TPD52L3: variants seen among roughly 807,000 people sequenced by gnomAD.
TPD52L3 encodes TPD52 like 3.
Under a neutral mutation model 8.7 loss-of-function variants are expected in TPD52L3, and 12 were observed. The ratio of observed to expected loss-of-function variants is 1.38; its 90% CI spans 0.89 to 2.24. The LOEUF is 2.24. TPD52L3 is among the 30% of genes most tolerant of loss of function. The probability of loss-of-function intolerance (pLI) is 0.00; values close to 1 mark genes in which losing one functional copy is unlikely to be tolerated. For synonymous variants in TPD52L3, 79 were observed against 66.8 expected (o/e 1.18, Z -0.89); for missense variants, 207 against 158.7 (o/e 1.30, Z -1.64).
In TPD52L3 at chr9:6,330,745, G is replaced by C. The variant is rs560921404; in HGVS notation, c.368-231G>C. ...CTGGAGAACAAGAGGTGAGCCTGCA[G>C]CATACAAGAAATGAAAGTAGTCCAA... On this transcript the variant is annotated intron_variant, in intron 1 of 1. Coordinates refer to ENST00000314556, the MANE Select transcript of TPD52L3 (RefSeq NM_001001874.3). 1.1e-5 allele frequency: 14 copies of C among 1,301,124 alleles called. No individual in the cohort carries two copies. The East Asian group carries it at 1.8e-4, about 17-fold the overall frequency. 80.6% of individuals were successfully genotyped at this position (1,301,124 alleles called of 1,614,324 possible). A position where few individuals can be genotyped will look rare whatever the true frequency, so the allele number is the denominator to read the frequency against.
rs768493638 is a variant in TPD52L3 at position 6,328,462 on chromosome 9, G to A, written c.-134G>A. On this transcript the variant is annotated 5_prime_UTR_variant, in exon 1 of 2. Transcript: ENST00000314556. ...TCCCGCCTGAAATCTGACTCCACCT[G>A]CCAAGAGTCTGAGCCTGCAGGCCTA... 6.4e-5 allele frequency: 71 copies of A among 1,102,784 alleles called. No homozygotes were observed. Among genetic ancestry groups the A allele is most frequent in the Non-Finnish European group, 8.9e-5 (69 of 771,442 alleles). 68.3% of individuals were successfully genotyped at this position (1,102,784 alleles called of 1,614,324 possible).
chr9:6,330,488 G>C (rs540568142), intron 1 of TPD52L3: 24 of 1,272,666 alleles, frequency 1.9e-5, no homozygotes, highest in African/African-American at 9.3e-5. Context: ...GGATGATTCT[G>C]TTTTGTTGAC....
Position 6,329,302 on chromosome 9 carries a change from C to A in TPD52L3, c.367+340C>A, listed in dbSNP as rs888387479. 3.3e-6 allele frequency: 4 copies of A among 1,214,642 alleles called. No individual in the cohort carries two copies. The African/African-American group carries it at 4.6e-5, about 14-fold the overall frequency. 75.2% of individuals were successfully genotyped at this position (1,214,642 alleles called of 1,614,324 possible). A position where few individuals can be genotyped will look rare whatever the true frequency, so the allele number is the denominator to read the frequency against. On this transcript the variant is annotated intron_variant, in intron 1 of 1. Coordinates refer to ENST00000314556, the MANE Select transcript of TPD52L3 (RefSeq NM_001001874.3). The stretch of plus-strand genomic sequence containing the variant: ...GGTTAATTCAGGAAATTGACAGAAT[C>A]CAGTTTTGAGAAAAGAACACAGATA...
In TPD52L3 at chr9:6,328,739, C is replaced by A. The variant is rs75202744; in HGVS notation, c.144C>A (p.His48Gln). 6.2e-7 allele frequency: 1 copy of A among 1,614,182 alleles called. No homozygotes were observed. Among genetic ancestry groups the A allele is most frequent in the Admixed American group, 1.7e-5 (1 of 60,028 alleles). ...KLEAEIVTLR[H>Q]VLAAKERRCG... is the part of the protein sequence containing the mutation. The stretch of plus-strand genomic sequence containing the variant: ...AGGCTGAAATTGTAACCCTACGCCA[C>A]GTACTAGCAGCCAAAGAGAGACGCT... Residue 48 changes from histidine to glutamine, a missense_variant, in exon 1 of 2, where the codon CAC becomes CAA. Coordinates refer to ENST00000314556, the MANE Select transcript of TPD52L3 (RefSeq NM_001001874.3).
Position 6,328,835 on chromosome 9 carries a change from G to A in TPD52L3, c.240G>A (p.Trp80Ter). 1 of 1,614,182 alleles carries A rather than the reference G, an allele frequency of 6.2e-7. No homozygotes were observed. Among genetic ancestry groups the A allele is most frequent in the African/African-American group, 1.3e-5 (1 of 75,040 alleles). Residue 80 changes from tryptophan to a stop codon, truncating the protein, a stop_gained, in exon 1 of 2, where the codon TGG (tryptophan) becomes TGA (stop). Transcript: ENST00000314556. LOFTEE classifies it high-confidence loss of function. ...TGAGACAGAATCTGTCCAAGAGCTG[G>A]CTTGATGTTCAGGTCTCCAACACCT... is the stretch of plus-strand genomic sequence containing the variant. ...VGLRQNLSKS[W>*]LDVQVSNTYV...
At chr9:6,329,968 A>T in intron 1 of TPD52L3, 2 of 1,322,840 alleles carry the variant, frequency 1.5e-6, no homozygotes, top group Non-Finnish European at 1.9e-6. Context: ...TAAAAGGAAG[A>T]AATTGCCTCT....
chr9:6,329,083 C>T, intron 1 of TPD52L3, 121 bp downstream of exon 1: 1 of 1,557,808 alleles, frequency 6.4e-7, no homozygotes, highest in Non-Finnish European at 8.7e-7. Context: ...GGAAGACCCA[C>T]TCCAGATTCC....
chr9:6,328,439 C>G lies in TPD52L3; in HGVS notation c.-157C>G. ...GTACCAGCTGGGCCATGGATCCCTC[C>G]CGCCTGAAATCTGACTCCACCTGCC... is the stretch of plus-strand genomic sequence containing the variant. On this transcript the variant is annotated 5_prime_UTR_variant, in exon 1 of 2. Transcript: ENST00000314556. The G allele has an allele frequency of 1.1e-6, 1 of 870,426 alleles. No individual in the cohort carries two copies. Among genetic ancestry groups the G allele is most frequent in the Non-Finnish European group, 1.8e-6 (1 of 566,440 alleles). The allele number at this position is 870,426 out of a possible 1,614,324, so 53.9% of individuals were successfully genotyped here. A position where few individuals can be genotyped will look rare whatever the true frequency, so the allele number is the denominator to read the frequency against.
Position 6,331,144 on chromosome 9 carries a change from C to A in TPD52L3, c.*125C>A. ...TATTCAAAGCCAATCTGAGACCCTA[C>A]TCTGTATCAAGAACTGTCCCAGGTT... On this transcript the variant is annotated 3_prime_UTR_variant, in exon 2 of 2. Coordinates refer to ENST00000314556, the MANE Select transcript of TPD52L3 (RefSeq NM_001001874.3). The A allele has an allele frequency of 1.0e-6, 1 of 999,416 alleles. No homozygotes were observed. Among genetic ancestry groups the A allele is most frequent in the Non-Finnish European group, 1.5e-6 (1 of 666,936 alleles). 61.9% of individuals were successfully genotyped at this position (999,416 alleles called of 1,614,324 possible).
chr9:6,329,441 A>C (rs1189256322), intron 1 of TPD52L3: 21 of 1,037,492 alleles, frequency 2.0e-5, no homozygotes, highest in Non-Finnish European at 2.5e-5. Context: ...TCTAATGGGC[A>C]AGTCAGTGGC....
In TPD52L3 at chr9:6,328,614, G is replaced by C; in HGVS notation, c.19G>C (p.Glu7Gln). The C allele has an allele frequency of 1.9e-6, 3 of 1,613,804 alleles. No homozygotes were observed. The highest frequency in any genetic ancestry group is 2.5e-6 in the Non-Finnish European group (3 of 1,180,014). Residue 7 changes from glutamate to glutamine, a missense_variant, in exon 1 of 2, where the codon GAG (glutamate) becomes CAG (glutamine). Transcript: ENST00000314556. The part of the protein sequence containing the change: MPHART[E>Q]TSVGTYESHS... ...CCAGTCCATGCCACATGCCAGGACAGAGACCTCTGTGGGCACATATGAATC... is the reference window on the plus strand; with the variant it reads ...CCAGTCCATGCCACATGCCAGGACACAGACCTCTGTGGGCACATATGAATC...
chr9:6,329,055 C>G (rs1281485616), intron 1 of TPD52L3, 93 bp downstream of exon 1: 3 of 1,597,154 alleles, frequency 1.9e-6, no homozygotes, highest in Non-Finnish European at 2.6e-6. Flanking sequence ...TTGATCTGCT[C>G]TCAGTTTTGG....
At chr9:6,329,084 T>A in intron 1 of TPD52L3, 122 bp downstream of exon 1, 4 of 1,557,402 alleles carry the variant, frequency 2.6e-6, no homozygotes, top group Non-Finnish European at 3.5e-6. Context: ...GAAGACCCAC[T>A]CCAGATTCCG....
intron 1 of TPD52L3, 55 bp from the exon 2 acceptor site, chr9:6,330,921 G>A (rs1818139359): frequency 6.3e-7 from 1 of 1,599,314 alleles, no homozygotes; most frequent in East Asian, 2.2e-5. Flanking sequence ...CTCCGTAAAA[G>A]TAGTAAAGTA....
intron 1 of TPD52L3, chr9:6,330,165 T>C (rs748481249): frequency 6.2e-7 from 1 of 1,614,006 alleles, no homozygotes; most frequent in South Asian, 1.1e-5. Flanking sequence ...TAACTCCAAG[T>C]CTGCCCTTCT....
chr9:6,331,090 C>CT lies in TPD52L3; in HGVS notation c.*73dup. The CT allele has an allele frequency of 6.6e-7, 1 of 1,507,652 alleles. No homozygotes were observed. The highest frequency in any genetic ancestry group is 9.1e-7 in the Non-Finnish European group (1 of 1,096,252). The allele number at this position is 1,507,652 out of a possible 1,614,324, so 93.4% of individuals were successfully genotyped here. A position where few individuals can be genotyped will look rare whatever the true frequency, so the allele number is the denominator to read the frequency against. ...ACAACATGAACTTGTTCACAAGTTCCTTCTGCTTTTAAACAAAAATATCGT... is the reference window on the plus strand; with the variant it reads ...ACAACATGAACTTGTTCACAAGTTCCTTTCTGCTTTTAAACAAAAATATCGT... On this transcript the variant is annotated 3_prime_UTR_variant, in exon 2 of 2. Coordinates refer to ENST00000314556, the MANE Select transcript of TPD52L3 (RefSeq NM_001001874.3).
chr9:6,328,895 C>A lies in TPD52L3; in HGVS notation c.300C>A (p.Thr100=). The A allele has an allele frequency of 6.2e-7, 1 of 1,614,196 alleles. No homozygotes were observed. The change falls in exon 1 of 2, where the codon ACC becomes ACA. Residue 100 remains threonine (T), a synonymous_variant. Coordinates refer to ENST00000314556, the MANE Select transcript of TPD52L3 (RefSeq NM_001001874.3). ...VKQKTSAALS[T]MGTLICRKLG... ...AGAAGACATCAGCTGCTCTGTCCAC[C>A]ATGGGCACTCTCATCTGCAGGAAGC...
chr9:6,329,682 A>C (rs1377136044), intron 1 of TPD52L3: 1 of 1,001,564 alleles, frequency 1.0e-6, no homozygotes, highest in Non-Finnish European at 1.2e-6. Flanking sequence ...GATCAAGAAA[A>C]CTTCATCTTC....
At chr9:6,329,715 G>A (rs550690829) in intron 1 of TPD52L3, 2 of 1,002,594 alleles carry the variant, frequency 2.0e-6, no homozygotes, top group Admixed American at 1.2e-4. Context: ...AAAAAGAGGG[G>A]AAAATAGTGG....
Sources: gnomAD v4.1 joint callset for allele counts on GRCh38, gnomAD v4.1.1 for gene constraint, MANE v1.5 for transcripts, NCBI Gene and HGNC (gene_info 2026-07-23, HGNC 2026-07-21) for gene names.